Variants in AMBRA1 observed in about 807,000 individuals in gnomAD.
The protein encoded by AMBRA1 is autophagy and beclin 1 regulator 1.
AMBRA1 carries 47 observed loss-of-function variants against 125.4 expected under a neutral mutation model. The observed-to-expected ratio is 0.37, with a 90% CI of 0.30 to 0.48. AMBRA1 has a LOEUF of 0.48. Among genes scored for constraint, AMBRA1 ranks in the 20% least tolerant of loss-of-function variants. The pLI, the probability that AMBRA1 is intolerant of heterozygous loss-of-function variation, is 0.99. For synonymous variants in AMBRA1, 626 were observed against 655.5 expected (o/e 0.95, Z 0.69); for missense variants, 1,331 against 1,693.4 (o/e 0.79, Z 3.76).
intron 1 of AMBRA1, among the ~76,000 whole-genome samples, chr11:46,552,190 G>A (rs745612540): frequency 2.7e-5 from 4 of 148,862 alleles, no homozygotes; most frequent in East Asian, 3.9e-4. Context: ...CCAACATGGC[G>A]AAACCCCATC....
At chr11:46,415,019 C>A (rs1946472319) in intron 15 of AMBRA1, among the ~76,000 whole-genome samples, 1 of 152,084 alleles carries the variant, frequency 6.6e-6, no homozygotes, top group Non-Finnish European at 1.5e-5. Context: ...GGTGCAGCTG[C>A]CTGTGCCTGG....
At position 46,397,348 on chromosome 11, in the gene AMBRA1, T is replaced by A; in HGVS notation, c.*102A>T. ...TGACCCTCTTCCTCCTCCTGTTCCC[T>A]GATGCAGCCAGCAGCTCTTCCACAT... On this transcript the variant is annotated 3_prime_UTR_variant, in exon 18 of 18. Coordinates refer to ENST00000683756, the MANE Select transcript of AMBRA1 (RefSeq NM_001387011.1). The A allele has an allele frequency of 7.2e-7, 1 of 1,385,498 alleles. No homozygotes were observed. The highest frequency in any genetic ancestry group is 9.4e-7 in the Non-Finnish European group (1 of 1,065,968). 85.8% of individuals were successfully genotyped at this position (1,385,498 alleles called of 1,614,324 possible). A position where few individuals can be genotyped will look rare whatever the true frequency, so the allele number is the denominator to read the frequency against.
At chr11:46,518,127 GT>G in intron 7 of AMBRA1, 1 of 984,908 alleles carries the variant, frequency 1.0e-6, no homozygotes, top group Non-Finnish European at 1.2e-6. Context: ...ATAGCCATTT[GT>G]TTTCAGAAGA....
At chr11:46,419,930 C>T (rs532362698) in intron 14 of AMBRA1, among the ~76,000 whole-genome samples, 1 of 147,784 alleles carries the variant, frequency 6.8e-6, no homozygotes, top group African/African-American at 2.5e-5. Flanking sequence ...GCCTTGGGTA[C>T]GTATCTGAAA....
At chr11:46,497,715 C>T (rs1460020855) in intron 9 of AMBRA1, among the ~76,000 whole-genome samples, 1 of 152,106 alleles carries the variant, frequency 6.6e-6, no homozygotes, top group African/African-American at 2.4e-5. Context: ...AAATATACTA[C>T]AAAAGGACGA....
intron 1 of AMBRA1, among the ~76,000 whole-genome samples, chr11:46,558,715 T>C (rs759147314): frequency 8.5e-5 from 13 of 152,142 alleles, no homozygotes; most frequent in Non-Finnish European, 1.5e-4. Context: ...ACCAAAGATA[T>C]CTCAAAATAA....
At position 46,397,820 on chromosome 11, in the gene AMBRA1, C is replaced by T. The variant is rs1375715315; in HGVS notation, c.3527G>A (p.Gly1176Asp). 8.1e-6 allele frequency: 13 copies of T among 1,605,412 alleles called. No individual in the cohort carries two copies. Among genetic ancestry groups the T allele is most frequent in the Non-Finnish European group, 1.1e-5 (13 of 1,179,984 alleles). The change falls in exon 18 of 18, where the codon GGC becomes GAC. Residue 1176 changes from glycine (G) to aspartate (D), a missense_variant. Coordinates refer to ENST00000683756, the MANE Select transcript of AMBRA1 (RefSeq NM_001387011.1). ...REQSTTMASM[G>D]GFGNNIIVSH... ...GACGATGATGTTGTTGCCGAAGCCGCCCATGGAGGCCATGGTGGTGCTCTG... is the reference window on the plus strand; with the variant it reads ...GACGATGATGTTGTTGCCGAAGCCGTCCATGGAGGCCATGGTGGTGCTCTG...
intron 11 of AMBRA1, among the ~76,000 whole-genome samples, chr11:46,475,419 A>AG (rs1313446363): frequency 6.6e-6 from 1 of 152,234 alleles, no homozygotes; most frequent in African/African-American, 2.4e-5. Context: ...CATTTCTTTG[A>AG]GGGGGTAGAC....
chr11:46,516,943 G>GA (rs551722394), intron 7 of AMBRA1, among the ~76,000 whole-genome samples: 208 of 147,696 alleles, frequency 1.4e-3, no homozygotes, highest in Non-Finnish European at 2.3e-3. Context: ...TGAAGCTGAA[G>GA]AAAAAAAAAA....
intron 11 of AMBRA1, among the ~76,000 whole-genome samples, chr11:46,483,421 G>T (rs1950150334): frequency 6.6e-6 from 1 of 152,178 alleles, no homozygotes; most frequent in Non-Finnish European, 1.5e-5. Context: ...GCTGGCCTTT[G>T]TTGATCAGCA....
chr11:46,447,686 G>T (rs1252600894), intron 11 of AMBRA1, among the ~76,000 whole-genome samples: 1 of 151,544 alleles, frequency 6.6e-6, no homozygotes, highest in African/African-American at 2.4e-5. Context: ...CTACAGCCTG[G>T]GTTACAGAGC....
intron 11 of AMBRA1, among the ~76,000 whole-genome samples, chr11:46,483,452 A>G (rs1023931857): frequency 5.9e-5 from 9 of 152,212 alleles, no homozygotes; most frequent in African/African-American, 2.2e-4. Flanking sequence ...AAAGGAAATT[A>G]ACAACCACAG....
intron 7 of AMBRA1, among the ~76,000 whole-genome samples, chr11:46,540,897 T>G (rs1360676155): frequency 1.3e-5 from 2 of 152,238 alleles, no homozygotes; most frequent in Admixed American, 6.5e-5. Flanking sequence ...AGCACAGTGT[T>G]AGAAAATTTG....
At chr11:46,526,861 C>T (rs2135114967) in intron 7 of AMBRA1, among the ~76,000 whole-genome samples, 1 of 152,350 alleles carries the variant, frequency 6.6e-6, no homozygotes, top group South Asian at 2.1e-4. Context: ...CTAGGCACAA[C>T]AGCAACATTA....
At chr11:46,451,676 G>A (rs190115046) in intron 11 of AMBRA1, 28 of 154,048 alleles carry the variant, frequency 1.8e-4, no homozygotes, top group Admixed American at 1.6e-3. Flanking sequence ...TTTAACTTGA[G>A]ACTTTCTAAT....
chr11:46,491,596 CT>C (rs1950464650), intron 11 of AMBRA1, among the ~76,000 whole-genome samples: 2 of 152,090 alleles, frequency 1.3e-5, no homozygotes, highest in Admixed American at 1.3e-4. Context: ...AATAAATACT[CT>C]GTAATATGTA....
intron 14 of AMBRA1, among the ~76,000 whole-genome samples, chr11:46,428,488 G>A (rs935128954): frequency 2.6e-5 from 4 of 152,056 alleles, no homozygotes; most frequent in African/African-American, 7.3e-5. Flanking sequence ...AAAATGACCC[G>A]AGAGAAAAGC....
chr11:46,491,711 G>T (rs1950470792), intron 11 of AMBRA1, among the ~76,000 whole-genome samples: 1 of 152,104 alleles, frequency 6.6e-6, no homozygotes, highest in Non-Finnish European at 1.5e-5. Flanking sequence ...TCTCCTAATG[G>T]CATTCTGCAT....
At chr11:46,563,895 A>T (rs1392077591) in intron 1 of AMBRA1, among the ~76,000 whole-genome samples, 2 of 150,752 alleles carry the variant, frequency 1.3e-5, no homozygotes, top group Non-Finnish European at 2.9e-5. Flanking sequence ...CTGTAATCTC[A>T]GCACTTTGGG....
Sources: gnomAD v4.1 joint callset for allele counts (sites outside exome capture counted in the v4.1 genomes callset) on GRCh38, gnomAD v4.1.1 for gene constraint, MANE v1.5 for transcripts, NCBI Gene and HGNC (gene_info 2026-07-23, HGNC 2026-07-21) for gene names.